The following STK33 variants were observed in gnomAD, a reference collection of about 807,000 sequenced individuals.
STK33 encodes the protein serine/threonine kinase 33.
A neutral mutation model predicts 58.0 loss-of-function variants in STK33; 52 were observed. That is an observed-to-expected ratio of 0.90 (90% CI 0.72 to 1.13). The LOEUF is 1.13. STK33 is among the 50% of genes most tolerant of loss of function. The pLI is 0.00. For synonymous variants in STK33, 215 were observed against 200.1 expected, an observed-to-expected ratio of 1.07 and a Z score of -0.63; for missense variants, 630 against 604.2, an observed-to-expected ratio of 1.04 and a Z score of -0.45.
chr11:8,541,431 A>C (rs1955510812), intron 1 of STK33, among the ~76,000 whole-genome samples: 1 of 152,172 alleles, frequency 6.6e-6, no homozygotes, highest in Non-Finnish European at 1.5e-5. Context: ...GGTTTTATAC[A>C]AAGTAAATTT....
At chr11:8,502,594 C>G (rs1451984584) in intron 1 of STK33, among the ~76,000 whole-genome samples, 1 of 151,982 alleles carries the variant, frequency 6.6e-6, no homozygotes, top group Non-Finnish European at 1.5e-5. Flanking sequence ...GATAAAGATG[C>G]CAAAAGCAAC....
At chr11:8,546,091 A>G (rs567551367) in intron 1 of STK33, among the ~76,000 whole-genome samples, 1 of 152,344 alleles carries the variant, frequency 6.6e-6, no homozygotes, top group East Asian at 1.9e-4. Context: ...ATATTTTTTA[A>G]ATGATACACC....
intron 15 of STK33, 132 bp downstream of exon 15, chr11:8,413,363 A>G: frequency 1.0e-6 from 1 of 960,804 alleles, no homozygotes; most frequent in Non-Finnish European, 1.6e-6. Flanking sequence ...AGGCAGAAAG[A>G]ACTTTACTTG....
chr11:8,556,304 C>A (rs1360762689), intron 1 of STK33, among the ~76,000 whole-genome samples: 1 of 152,152 alleles, frequency 6.6e-6, no homozygotes, highest in African/African-American at 2.4e-5. Flanking sequence ...ATTGAAGTAA[C>A]TGAACATCAA....
chr11:8,335,534 G>A, the STK33 span, among the ~76,000 whole-genome samples: 1 of 152,164 alleles, frequency 6.6e-6, no homozygotes, highest in Non-Finnish European at 1.5e-5. Flanking sequence ...TCCCTGTGAA[G>A]ATGGATCTAT....
intron 1 of STK33, among the ~76,000 whole-genome samples, chr11:8,518,920 T>C (rs904417487): frequency 6.6e-6 from 1 of 152,114 alleles, no homozygotes; most frequent in African/African-American, 2.4e-5. Flanking sequence ...CTGTCAACAT[T>C]AGTCAGATCA....
At chr11:8,357,481 T>G in the STK33 span, among the ~76,000 whole-genome samples, 1 of 152,368 alleles carries the variant, frequency 6.6e-6, no homozygotes, top group Admixed American at 6.5e-5. Flanking sequence ...TGCCAACTAT[T>G]AATATACATG....
chr11:8,586,826 A>G (rs1247017736), intron 1 of STK33, among the ~76,000 whole-genome samples: 5 of 44,802 alleles, frequency 1.1e-4, no homozygotes, highest in Admixed American at 9.1e-4. Context: ...TCTGTCTAAA[A>G]AAAAAAAAAA....
intron 15 of STK33, among the ~76,000 whole-genome samples, chr11:8,394,873 T>A (rs1369399540): frequency 1.3e-5 from 2 of 152,194 alleles, no homozygotes; most frequent in African/African-American, 2.4e-5. Flanking sequence ...TTTTTTGTAA[T>A]TTTAGTTATT....
intron 1 of STK33, among the ~76,000 whole-genome samples, chr11:8,538,856 G>A (rs979113640): frequency 1.3e-5 from 2 of 152,166 alleles, no homozygotes; most frequent in Non-Finnish European, 2.9e-5. Flanking sequence ...TCTTCTAACA[G>A]GAGGACTTCC....
intron 15 of STK33, among the ~76,000 whole-genome samples, chr11:8,401,356 C>G (rs955160394): frequency 1.3e-5 from 2 of 152,102 alleles, no homozygotes; most frequent in African/African-American, 4.8e-5. Context: ...CTGACAAAAA[C>G]AAGAAATAGG....
intron 1 of STK33, among the ~76,000 whole-genome samples, chr11:8,522,768 CCCTCTTT>C (rs1408188985): frequency 2.0e-5 from 3 of 152,134 alleles, no homozygotes; most frequent in Admixed American, 6.5e-5. Flanking sequence ...CTCTCCCTTT[CCCTCTTT>C]CCTCTTTCCT....
At chr11:8,448,012 G>A (rs12362569) in intron 11 of STK33, among the ~76,000 whole-genome samples, 1,616 of 152,086 alleles carry the variant, frequency 0.011, 30 homozygotes, top group African/African-American at 0.036. Flanking sequence ...CAGCCAAATC[G>A]TTAGTGAACT....
At position 8,413,577 on chromosome 11, in the gene STK33, G is replaced by C. The variant is rs2135661231; in HGVS notation, c.1262C>G (p.Thr421Ser). 1 of 1,614,012 alleles carries C rather than the reference G, an allele frequency of 6.2e-7. No individual in the cohort carries two copies. The highest frequency in any genetic ancestry group is 1.1e-5 in the South Asian group (1 of 91,072). ...NTTEEKNKPS[T>S]EEKLKSYQPW... is the part of the protein sequence containing the mutation. Reference sequence around the variant, plus strand: ...TTGGTAACTTTTCAACTTTTCTTCAGTGGACGGCTTATTCTTCTCTTCTGT... The same window carrying C: ...TTGGTAACTTTTCAACTTTTCTTCACTGGACGGCTTATTCTTCTCTTCTGT... The change falls in exon 15 of 16, where the codon ACT becomes AGT. Residue 421 changes from threonine to serine, a missense_variant. By Grantham distance (58) the Thr-to-Ser change is moderately conservative. Transcript: ENST00000687296.
intron 8 of STK33, among the ~76,000 whole-genome samples, chr11:8,459,358 A>G (rs1184128148): frequency 1.3e-5 from 2 of 152,142 alleles, no homozygotes; most frequent in Non-Finnish European, 2.9e-5. Context: ...AGAGGGTGTC[A>G]GACCTGATCT....
At chr11:8,560,879 G>A (rs1957071994) in intron 1 of STK33, among the ~76,000 whole-genome samples, 1 of 152,088 alleles carries the variant, frequency 6.6e-6, no homozygotes, top group Admixed American at 6.5e-5. Flanking sequence ...CTGCTATGTG[G>A]CAGTGCCTAG....
chr11:8,431,328 T>C (rs1045277278), intron 14 of STK33, among the ~76,000 whole-genome samples: 5 of 152,012 alleles, frequency 3.3e-5, no homozygotes, highest in African/African-American at 1.2e-4. Flanking sequence ...CAGCCAACAG[T>C]TAGGTATCAG....
intron 1 of STK33, among the ~76,000 whole-genome samples, chr11:8,486,979 G>T (rs1341869478): frequency 6.6e-6 from 1 of 152,188 alleles, no homozygotes; most frequent in Non-Finnish European, 1.5e-5. Flanking sequence ...AAGACAGGAG[G>T]AAGAACAGAT....
At chr11:8,444,265 T>C (rs995871926) in intron 11 of STK33, among the ~76,000 whole-genome samples, 6 of 152,160 alleles carry the variant, frequency 3.9e-5, no homozygotes, top group African/African-American at 1.4e-4. Context: ...GCACTTTATA[T>C]ATTTTTTCTC....
Sources: gnomAD v4.1 joint callset for allele counts (sites outside exome capture counted in the v4.1 genomes callset) on GRCh38, gnomAD v4.1.1 for gene constraint, MANE v1.5 for transcripts, NCBI Gene and HGNC (gene_info 2026-07-23, HGNC 2026-07-21) for gene names.